The following PER2 variants were observed in gnomAD, a reference collection of about 807,000 sequenced individuals.
PER2 encodes period circadian regulator 2, also known as period circadian protein homolog 2.
PER2 carries 66 observed loss-of-function variants against 121.0 expected under a neutral mutation model. The observed-to-expected ratio is 0.55, with a 90% confidence interval of 0.45 to 0.67. The LOEUF (loss-of-function observed/expected upper bound fraction) is 0.67. Ranked by LOEUF, PER2 falls within the 30% of genes least tolerant of loss-of-function variation. The probability of loss-of-function intolerance (pLI) is 0.00; values close to 1 mark genes in which losing one functional copy is unlikely to be tolerated. For missense variants in PER2, 1,521 were observed against 1,635.0 expected, an observed-to-expected ratio of 0.93 and a Z score of 1.20; for synonymous variants, 684 against 659.9, an observed-to-expected ratio of 1.04 and a Z score of -0.56.
chr2:238,275,651 G>T, intron 4 of PER2, 92 bp downstream of exon 4: 1 of 1,414,922 alleles, frequency 7.1e-7, no homozygotes, highest in Non-Finnish European at 1.0e-6. Context: ...TGAGCCTCGA[G>T]TTTTAGAAAG....
chr2:238,290,556 A>G (rs1696932757), upstream of PER2, among the ~76,000 whole-genome samples: 1 of 152,140 alleles, frequency 6.6e-6, no homozygotes, highest in African/African-American at 2.4e-5. Flanking sequence ...ATTTCCACCA[A>G]TAAATCTGGT....
At chr2:238,250,406 A>G (rs552436481) in intron 21 of PER2, 145 bp downstream of exon 21, 14 of 688,056 alleles carry the variant, frequency 2.0e-5, no homozygotes, top group African/African-American at 8.9e-5. Flanking sequence ...GTCCAGAGGG[A>G]AGCCTGCTTC....
At chr2:238,267,925 G>A in intron 8 of PER2, 131 bp downstream of exon 8, 3 of 961,864 alleles carry the variant, frequency 3.1e-6, no homozygotes, top group Non-Finnish European at 4.9e-6. Context: ...CCTGCCCAAG[G>A]TGAGGTGGAG....
Position 238,268,163 on chromosome 2 carries a change from T to C in PER2, c.860A>G (p.His287Arg), listed in dbSNP as rs776070536. 1 of 1,613,868 alleles carries C rather than the reference T, an allele frequency of 6.2e-7. No homozygotes were observed. Among genetic ancestry groups the C allele is most frequent in the Non-Finnish European group, 8.5e-7 (1 of 1,179,934 alleles). ...CAGGTAGGGCGTCATGCGGAAGGGGTGGTAGCGGATTTCATTCTCGTGGCT... is the reference window on the plus strand; with the variant it reads ...CAGGTAGGGCGTCATGCGGAAGGGGCGGTAGCGGATTTCATTCTCGTGGCT... ...RKSHENEIRYHPFRMTPYLVK... is the reference protein window; with the variant it reads ...RKSHENEIRYRPFRMTPYLVK... The change falls in exon 8 of 23, where the codon CAC becomes CGC. Residue 287 changes from histidine (H) to arginine (R), a missense_variant. Transcript: ENST00000254657. This position sits in a 1 kb window ranked among gnomAD's most constrained non-coding sequence, Gnocchi z 4.0.
chr2:238,249,284 A>C (rs1695535553), intron 21 of PER2, 72 bp from the exon 22 acceptor site: 2 of 1,473,044 alleles, frequency 1.4e-6, no homozygotes, highest in East Asian at 2.3e-5. Context: ...CTTTCAGAAT[A>C]ATGTAGTTTT....
chr2:238,253,841 T>C lies in PER2; in HGVS notation c.2321-139A>G. Reference sequence around the variant, plus strand: ...CCGAGCGGTTTTCCCTGATCCTCAGTGAAGTGAGAAAAATCAGGGCAAAAC... The same window carrying C: ...CCGAGCGGTTTTCCCTGATCCTCAGCGAAGTGAGAAAAATCAGGGCAAAAC... On this transcript the variant is annotated intron_variant, in intron 18 of 22. Transcript: ENST00000254657. This position sits in a 1 kb window ranked among gnomAD's most constrained non-coding sequence, Gnocchi z 5.6. 1 of 672,790 alleles carries C rather than the reference T, an allele frequency of 1.5e-6. No homozygotes were observed. Among genetic ancestry groups the C allele is most frequent in the Non-Finnish European group, 2.6e-6 (1 of 382,982 alleles). 41.7% of individuals were successfully genotyped at this position (672,790 alleles called of 1,614,324 possible).
chr2:238,253,696 G>T lies in PER2; in HGVS notation c.2327C>A (p.Pro776His), dbSNP rs1402981312. 1 of 1,602,484 alleles carries T rather than the reference G, an allele frequency of 6.2e-7. No homozygotes were observed. Among genetic ancestry groups the T allele is most frequent in the East Asian group, 2.2e-5 (1 of 44,728 alleles). Residue 776 changes from proline to histidine, a missense_variant, in exon 19 of 23, where the codon CCT becomes CAT. Physicochemically the swap from Pro to His is moderately conservative, Grantham distance 77 (BLOSUM62 -2). Transcript: ENST00000254657. The surrounding 1 kb of genome is among the most constrained non-coding windows in gnomAD (Gnocchi z 5.6). ...SKGQPSERTA[P>H]GLRNTSGIDS... The stretch of plus-strand genomic sequence containing the variant: ...TATTCCGGAAGTATTTCTTAGTCCA[G>T]GGGCAGCTAATGCAGAAAAACAAAT...
At chr2:238,298,028 GTTC>G in the PER2 span, among the ~76,000 whole-genome samples, 1 of 121,304 alleles carries the variant, frequency 8.2e-6, no homozygotes. Context: ...TAAAGCTTTT[GTTC>G]TTTTTTTTTT....
At chr2:238,291,336 C>G (rs145121852), upstream of PER2, among the ~76,000 whole-genome samples, 374 of 152,384 alleles carry the variant, frequency 2.5e-3, 2 homozygotes, top group Middle Eastern at 0.034. Flanking sequence ...CCTGTAGGGC[C>G]TCTCTGCACC....
At chr2:238,297,205 C>T in the PER2 span, among the ~76,000 whole-genome samples, 3 of 152,172 alleles carry the variant, frequency 2.0e-5, no homozygotes, top group Non-Finnish European at 4.4e-5. Context: ...AAACCCTAAA[C>T]CAAAGAAGGC....
chr2:238,244,286 G>A lies in PER2; in HGVS notation c.*2089C>T, dbSNP rs535793239. On this transcript the variant is annotated 3_prime_UTR_variant, in exon 23 of 23. Coordinates refer to ENST00000254657, the MANE Select transcript of PER2 (RefSeq NM_022817.3). ...AATAGAGAAAAACTGTTTAACACCT[G>A]TGTAAGCACACACACTAAAGAAAAC... 6.5e-6 allele frequency: 1 copy of A among 152,712 alleles called. No homozygotes were observed. The highest frequency in any genetic ancestry group is 2.4e-5 in the African/African-American group (1 of 41,582). The allele number at this position is 152,712 out of a possible 1,614,324, so 9.5% of individuals were successfully genotyped here. A position where few individuals can be genotyped will look rare whatever the true frequency, so the allele number is the denominator to read the frequency against.
At chr2:238,272,847 T>G (rs143966675) in intron 5 of PER2, among the ~76,000 whole-genome samples, 3 of 152,234 alleles carry the variant, frequency 2.0e-5, no homozygotes, top group Non-Finnish European at 2.9e-5. Context: ...AGGACAAAGT[T>G]GGTCAGGGAC....
chr2:238,251,793 A>C (rs1352698723), intron 19 of PER2, 32 bp from the exon 20 acceptor site: 12 of 982,616 alleles, frequency 1.2e-5, no homozygotes, highest in Non-Finnish European at 1.7e-5. Context: ...ACTGCTGTTC[A>C]GGGGCTCAGT....
In PER2 at chr2:238,266,329, C is replaced by T. The variant is rs552263308; in HGVS notation, c.968-739G>A. Among the ~76,000 whole-genome samples, 26 of 151,494 alleles carry T rather than the reference C, an allele frequency of 1.7e-4. No homozygotes were observed. In the South Asian group the frequency reaches 2.3e-3, roughly 13 times the overall value. ...ATGAGACAGGGTCTCACTATGTTGC[C>T]CAGGATGGTCTCAAATGCCCAGGCT... On this transcript the variant is annotated intron_variant, in intron 8 of 22. Transcript: ENST00000254657.
the PER2 span, chr2:238,295,411 T>C: frequency 1.3e-5 from 2 of 152,236 alleles, no homozygotes; most frequent in African/African-American, 4.8e-5. Flanking sequence ...AGATGAGGTC[T>C]TGCTGGAGTG....
chr2:238,261,308 G>GGC (rs1412453205), intron 12 of PER2: 1 of 395,184 alleles, frequency 2.5e-6, no homozygotes, highest in African/African-American at 2.0e-5. Flanking sequence ...CTGACAGGCA[G>GGC]GCGCCTACTC....
At chr2:238,277,328 T>A (rs1367273673) in intron 2 of PER2, 135 bp from the exon 3 acceptor site, 1 of 746,742 alleles carries the variant, frequency 1.3e-6, no homozygotes, top group African/African-American at 1.7e-5. Context: ...AAGGTTAAGA[T>A]AAAACTGGAA....
At chr2:238,272,273 T>C (rs543096460) in intron 5 of PER2, among the ~76,000 whole-genome samples, 1 of 152,282 alleles carries the variant, frequency 6.6e-6, no homozygotes, top group South Asian at 2.1e-4. Flanking sequence ...ACATGGCACC[T>C]GGTGTCCAGG....
chr2:238,300,046 T>C, the PER2 span: 1 of 152,026 alleles, frequency 6.6e-6, no homozygotes, highest in Non-Finnish European at 1.5e-5. Flanking sequence ...GCTAGATGGG[T>C]GGCTGGAGAA....
Sources: allele counts gnomAD v4.1 joint callset (sites outside exome capture counted in the v4.1 genomes callset), GRCh38; gene constraint gnomAD v4.1.1; non-coding constraint Gnocchi (gnomAD v3.1); transcripts MANE v1.5; gene names NCBI Gene and HGNC (gene_info 2026-07-23, HGNC 2026-07-21).